Variants in FAM117B observed in about 807,000 individuals in gnomAD.
FAM117B encodes the protein family with sequence similarity 117 member B.
Under a neutral mutation model 52.8 loss-of-function variants are expected in FAM117B, and 22 were observed. The ratio of observed to expected loss-of-function variants is 0.42; its 90% CI spans 0.30 to 0.59. The LOEUF is 0.59. Ranked by LOEUF, FAM117B falls within the 20% of genes least tolerant of loss-of-function variation. The pLI is 0.22. For synonymous variants in FAM117B, 309 were observed against 324.1 expected, an observed-to-expected ratio of 0.95 and a Z score of 0.50; for missense variants, 678 against 802.6, an observed-to-expected ratio of 0.84 and a Z score of 1.88.
chr2:202,742,590 G>A (rs533075500), intron 4 of FAM117B, among the ~76,000 whole-genome samples: 1 of 152,252 alleles, frequency 6.6e-6, no homozygotes, highest in South Asian at 2.1e-4. Context: ...GAAGACATTA[G>A]TGAATTCTTC....
chr2:202,760,468 C>G (rs1453942215), intron 7 of FAM117B, among the ~76,000 whole-genome samples: 3 of 152,176 alleles, frequency 2.0e-5, no homozygotes, highest in African/African-American at 7.2e-5. Flanking sequence ...TCTGCCTCCC[C>G]TCTTTGTCTT....
chr2:202,687,056 G>C (rs1025433420), intron 1 of FAM117B, among the ~76,000 whole-genome samples: 2 of 152,140 alleles, frequency 1.3e-5, no homozygotes, highest in African/African-American at 4.8e-5. Flanking sequence ...CTGAGAACCA[G>C]AAGGAGTTGA....
rs771685044 is a variant in FAM117B at position 202,757,373 on chromosome 2, C to G, written c.1265C>G (p.Ser422Cys). 7 of 1,613,962 alleles carry G rather than the reference C, an allele frequency of 4.3e-6. No individual in the cohort carries two copies. The Admixed American group carries it at 1.0e-4, about 23-fold the overall frequency. Residue 422 changes from serine (S) to cysteine (C), a missense_variant, in exon 6 of 8, where the codon TCC (serine) becomes TGC (cysteine). Around this residue, in one of 3 missense-constraint regions of FAM117B, gnomAD observed 583 missense variants for 644.8 expected, o/e 0.90. Coordinates refer to ENST00000392238, the MANE Select transcript of FAM117B (RefSeq NM_173511.4). ...SVSPTSFLTI[S>C]NEGSEESPCS... ...TCCCCAACATCGTTCCTCACCATTT[C>G]CAATGAAGGTAGCGAGGAGAGTCCT...
chr2:202,753,753 TAA>T (rs201047413), intron 4 of FAM117B, among the ~76,000 whole-genome samples: 3 of 135,712 alleles, frequency 2.2e-5, no homozygotes, highest in Non-Finnish European at 1.6e-5. Context: ...AACAAACATG[TAA>T]AAAAAAAAAA....
At position 202,697,051 on chromosome 2, in the gene FAM117B, A is replaced by C. The variant is rs577224706; in HGVS notation, c.753+1019A>C. 3.9e-5 allele frequency among the ~76,000 whole-genome samples: 6 copies of C among 152,346 alleles called. No individual in the cohort carries two copies. The South Asian group carries it at 1.2e-3, about 32-fold the overall frequency. On this transcript the variant is annotated intron_variant, in intron 2 of 7. Transcript: ENST00000392238. Reference sequence around the variant, plus strand: ...ACCACAGCACACCAGCCTGGGCAATAGAGTGAGAACCTGTCTCAAAAAAAG... The same window carrying C: ...ACCACAGCACACCAGCCTGGGCAATCGAGTGAGAACCTGTCTCAAAAAAAG...
intron 4 of FAM117B, among the ~76,000 whole-genome samples, chr2:202,754,615 A>T (rs1229086459): frequency 6.6e-6 from 1 of 152,046 alleles, no homozygotes; most frequent in Non-Finnish European, 1.5e-5. Flanking sequence ...GGGGCTGTGC[A>T]TGGTGGCTCA....
At position 202,765,460 on chromosome 2, in the gene FAM117B, A is replaced by G. The variant is rs1691961220; in HGVS notation, c.1466A>G (p.His489Arg). The change falls in exon 8 of 8, where the codon CAT (histidine) becomes CGT (arginine). Residue 489 changes from histidine (H) to arginine (R), a missense_variant. This residue lies in a region of FAM117B where 27 missense variants were observed against 77.3 expected (regional missense o/e 0.35). Transcript: ENST00000392238. ...TCTATGTCTAGGCCAAAACAGCTTC[A>G]TGAAATCCCAGCCTTTTATTGTCCT... ...VFEECSPKQL[H>R]EIPAFYCPDK... 2 of 1,613,408 alleles carry G rather than the reference A, an allele frequency of 1.2e-6. No individual in the cohort carries two copies. The highest frequency in any genetic ancestry group is 1.3e-5 in the African/African-American group (1 of 74,658).
rs144974928 is a variant in FAM117B at position 202,703,565 on chromosome 2, G to A, written c.753+7533G>A. 2.9e-4 allele frequency among the ~76,000 whole-genome samples: 44 copies of A among 152,226 alleles called. 1 individual carries two copies. Among genetic ancestry groups the A allele is most frequent in the Admixed American group, 8.5e-4 (13 of 15,282 alleles). On this transcript the variant is annotated intron_variant, in intron 2 of 7. Transcript: ENST00000392238. ...GAGACAGGATCTTTCTATGTTGCCCGGGCTGGTCTAGAAGTCCTGGCCCCA... is the reference window on the plus strand; with the variant it reads ...GAGACAGGATCTTTCTATGTTGCCCAGGCTGGTCTAGAAGTCCTGGCCCCA...
chr2:202,688,731 T>A (rs1690580161), intron 1 of FAM117B, among the ~76,000 whole-genome samples: 1 of 152,302 alleles, frequency 6.6e-6, no homozygotes, highest in East Asian at 1.9e-4. Context: ...TGATAAAATA[T>A]ACAAGAATGG....
intron 4 of FAM117B, among the ~76,000 whole-genome samples, 171 bp from the exon 5 acceptor site, chr2:202,755,367 T>C (rs886071266): frequency 1.3e-5 from 2 of 152,214 alleles, no homozygotes; most frequent in Non-Finnish European, 2.9e-5. Context: ...GGATTTGGGT[T>C]TTAAATTATA....
chr2:202,680,919 A>G (rs1411584615), intron 1 of FAM117B, among the ~76,000 whole-genome samples: 3 of 152,242 alleles, frequency 2.0e-5, no homozygotes, highest in Admixed American at 1.3e-4. Flanking sequence ...TAATGGTAAG[A>G]TAAAAGGACT....
chr2:202,646,238 T>A (rs140377509), intron 1 of FAM117B, among the ~76,000 whole-genome samples: 116 of 152,350 alleles, frequency 7.6e-4, no homozygotes, highest in Middle Eastern at 3.4e-3. Flanking sequence ...CTTGAACTCC[T>A]GACCTCAAGT....
At chr2:202,692,767 G>C (rs767176421) in intron 1 of FAM117B, among the ~76,000 whole-genome samples, 3 of 152,114 alleles carry the variant, frequency 2.0e-5, no homozygotes, top group African/African-American at 4.8e-5. Flanking sequence ...TTGTAGTGCT[G>C]AGCAGCAGTG....
chr2:202,680,721 G>T (rs1354378493), intron 1 of FAM117B, among the ~76,000 whole-genome samples: 2 of 152,140 alleles, frequency 1.3e-5, no homozygotes, highest in African/African-American at 2.4e-5. Context: ...TAGATAAAAT[G>T]AAACTGTAAA....
intron 1 of FAM117B, 86 bp downstream of exon 1, chr2:202,635,874 A>G: frequency 8.1e-7 from 1 of 1,238,526 alleles, no homozygotes; most frequent in Non-Finnish European, 1.0e-6. Flanking sequence ...GGGACTGCAG[A>G]GCTGCCGCGG....
chr2:202,670,075 T>G (rs1690267628), intron 1 of FAM117B, among the ~76,000 whole-genome samples: 1 of 152,210 alleles, frequency 6.6e-6, no homozygotes, highest in Non-Finnish European at 1.5e-5. Flanking sequence ...CATGTGGGTC[T>G]GTTTGTTAGC....
In FAM117B at chr2:202,676,536, C is replaced by T. The variant is rs1198427033; in HGVS notation, c.602-19345C>T. Among the ~76,000 whole-genome samples, 4 of 151,946 alleles carry T rather than the reference C, an allele frequency of 2.6e-5. No individual in the cohort carries two copies. The South Asian group carries it at 6.2e-4, about 24-fold the overall frequency. On this transcript the variant is annotated intron_variant, in intron 1 of 7. Coordinates refer to ENST00000392238, the MANE Select transcript of FAM117B (RefSeq NM_173511.4). Reference sequence around the variant, plus strand: ...CTGGGATTACAGGCATGCGCCACCACACCTGGCTAATTTTTGTGTTTTTAG... The same window carrying T: ...CTGGGATTACAGGCATGCGCCACCATACCTGGCTAATTTTTGTGTTTTTAG...
intron 1 of FAM117B, among the ~76,000 whole-genome samples, chr2:202,654,119 G>A (rs1574542836): frequency 6.6e-6 from 1 of 151,672 alleles, no homozygotes; most frequent in Non-Finnish European, 1.5e-5. Flanking sequence ...GTGTGTGTTT[G>A]TGTGTGTTGA....
intron 7 of FAM117B, among the ~76,000 whole-genome samples, chr2:202,763,220 C>T (rs57260284): frequency 0.17 from 26,230 of 151,714 alleles, 2,926 homozygotes; most frequent in South Asian, 0.38. Flanking sequence ...TACAGGCATC[C>T]GCCACCATGC....
Sources: gnomAD v4.1 joint callset for allele counts (sites outside exome capture counted in the v4.1 genomes callset) on GRCh38, gnomAD v4.1.1 for gene constraint, gnomAD v4.1.1 regional missense constraint, MANE v1.5 for transcripts, NCBI Gene and HGNC (gene_info 2026-07-23, HGNC 2026-07-21) for gene names.